Variants in KCTD1 observed in about 807,000 individuals in gnomAD.
KCTD1 encodes the protein BTB/POZ domain-containing protein KCTD1.
Under a neutral mutation model 66.0 loss-of-function variants are expected in KCTD1, and 24 were observed. The observed-to-expected ratio is 0.36, with a 90% CI of 0.26 to 0.51. KCTD1 has a LOEUF of 0.51. KCTD1 is among the 20% of genes least tolerant of loss of function. KCTD1 has a pLI of 0.95. For synonymous variants in KCTD1, 511 were observed against 517.2 expected (o/e 0.99, Z 0.16); for missense variants, 943 against 1,205.2 (o/e 0.78, Z 3.22).
At chr18:26,469,398 C>T (rs1388997475) in intron 3 of KCTD1, among the ~76,000 whole-genome samples, 1 of 152,146 alleles carries the variant, frequency 6.6e-6, no homozygotes, top group Non-Finnish European at 1.5e-5. Context: ...TTTCCCTCCC[C>T]AGCACCTAAC....
intron 1 of KCTD1, chr18:26,599,773 C>A: frequency 1.3e-6 from 2 of 1,578,730 alleles, no homozygotes; most frequent in Non-Finnish European, 1.7e-6. Flanking sequence ...TCTTTCTGGT[C>A]TTGTGGAAGT....
In KCTD1 at chr18:26,636,607, G is replaced by A. The variant is rs565306771; in HGVS notation, c.-107+3704C>T. 2.0e-5 allele frequency among the ~76,000 whole-genome samples: 3 copies of A among 152,216 alleles called. No homozygotes were observed. In the East Asian group the frequency reaches 5.8e-4, roughly 29 times the overall value. ...GCGGTTCTTCTTATTACTTTCAATG[G>A]CAAAAGCCACAATTACTTTTGCATC... On this transcript the variant is annotated intron_variant, in intron 1 of 5. Transcript: ENST00000579973.
Position 26,507,613 on chromosome 18 carries a change from G to C in KCTD1, c.1810-6363C>G, listed in dbSNP as rs142413218. 3.8e-3 allele frequency among the ~76,000 whole-genome samples: 577 copies of C among 152,142 alleles called. 4 individuals carry two copies. Among genetic ancestry groups the C allele is most frequent in the African/African-American group, 0.012 (507 of 41,498 alleles). On this transcript the variant is annotated intron_variant, in intron 1 of 4. Coordinates refer to ENST00000580059, the MANE Select transcript of KCTD1 (RefSeq NM_001142730.3). ...GCTGGTCTTGAACTCCTGGCCTCAA[G>C]TGATCAAATGCCTTACGACCCCTCA...
At chr18:26,506,463 G>A (rs575831951) in intron 1 of KCTD1, among the ~76,000 whole-genome samples, 6 of 152,206 alleles carry the variant, frequency 3.9e-5, no homozygotes, top group Non-Finnish European at 8.8e-5. Context: ...TGGAAGGAGA[G>A]TGCCCAGTGC....
At chr18:26,647,774 C>T (rs1456909823) in intron 1 of KCTD1, among the ~76,000 whole-genome samples, 5 of 151,932 alleles carry the variant, frequency 3.3e-5, no homozygotes, top group Non-Finnish European at 4.4e-5. Context: ...CTGGAACTCA[C>T]GGACAAAGGA....
At chr18:26,541,122 C>T (rs889529040) in intron 1 of KCTD1, among the ~76,000 whole-genome samples, 1 of 152,110 alleles carries the variant, frequency 6.6e-6, no homozygotes, top group Non-Finnish European at 1.5e-5. Flanking sequence ...CTCAGCTATC[C>T]AGGGTTACAT....
At chr18:26,582,214 G>C (rs1423677169) in intron 1 of KCTD1, among the ~76,000 whole-genome samples, 1 of 151,740 alleles carries the variant, frequency 6.6e-6, no homozygotes, top group African/African-American at 2.4e-5. Context: ...GGAGGTTACA[G>C]GTGAGCCAAG....
intron 1 of KCTD1, among the ~76,000 whole-genome samples, chr18:26,637,530 C>G (rs780527898): frequency 6.6e-6 from 1 of 152,174 alleles, no homozygotes; most frequent in Non-Finnish European, 1.5e-5. Context: ...TCCCCTCTGC[C>G]GATTTCAAGA....
chr18:26,636,258 G>A (rs565343983), intron 1 of KCTD1, among the ~76,000 whole-genome samples: 4 of 152,272 alleles, frequency 2.6e-5, no homozygotes, highest in East Asian at 3.9e-4. Context: ...ATTTCATGGC[G>A]GTCTGGTTGC....
chr18:26,503,452 T>C (rs930049875), intron 1 of KCTD1, among the ~76,000 whole-genome samples: 3 of 152,110 alleles, frequency 2.0e-5, no homozygotes, highest in African/African-American at 7.2e-5. Flanking sequence ...TTTTAAGAGA[T>C]ACGTACTGAC....
chr18:26,500,588 TA>T (rs1982709377), intron 2 of KCTD1, among the ~76,000 whole-genome samples: 1 of 152,242 alleles, frequency 6.6e-6, no homozygotes, highest in Non-Finnish European at 1.5e-5. Context: ...TCATTTTTTG[TA>T]AACTATACTA....
intron 1 of KCTD1, among the ~76,000 whole-genome samples, chr18:26,615,295 T>C (rs922322640): frequency 6.6e-6 from 1 of 152,144 alleles, no homozygotes; most frequent in Non-Finnish European, 1.5e-5. Flanking sequence ...AGGTGAGAAC[T>C]TTTTCTACTC....
At chr18:26,584,851 T>C (rs565668200) in intron 1 of KCTD1, among the ~76,000 whole-genome samples, 3 of 152,028 alleles carry the variant, frequency 2.0e-5, no homozygotes, top group African/African-American at 7.2e-5. Flanking sequence ...GAAAAAGGGA[T>C]ACGAAAGGAA....
At chr18:26,520,888 T>C (rs889778360) in intron 1 of KCTD1, among the ~76,000 whole-genome samples, 7 of 152,332 alleles carry the variant, frequency 4.6e-5, no homozygotes, top group African/African-American at 1.7e-4. Flanking sequence ...AGGCTGGAAG[T>C]TCAGAGAGCT....
intron 1 of KCTD1, chr18:26,566,279 C>G (rs2144888090): frequency 6.6e-6 from 1 of 152,350 alleles, no homozygotes; most frequent in Admixed American, 6.5e-5. Context: ...AGGATCCTAG[C>G]ACTGTATCTG....
intron 4 of KCTD1, chr18:26,459,399 A>G (rs765828673): frequency 3.1e-5 from 16 of 523,056 alleles, no homozygotes; most frequent in Non-Finnish European, 5.0e-5. Context: ...GTCGTGTTCT[A>G]TATCTGTCTC....
chr18:26,580,709 G>A (rs941118210), intron 1 of KCTD1, among the ~76,000 whole-genome samples: 3 of 152,056 alleles, frequency 2.0e-5, no homozygotes, highest in Non-Finnish European at 2.9e-5. Flanking sequence ...CAGCTAATCC[G>A]GCCCCCTATC....
chr18:26,532,261 C>CTTTTTTTTTTTTTTTTTTTTTTTTTTTT (rs533359603), intron 1 of KCTD1, among the ~76,000 whole-genome samples: 1 of 29,556 alleles, frequency 3.4e-5, no homozygotes, highest in African/African-American at 6.5e-5. Context: ...TTCTTTCCTT[C>CTTTTTTTTTTTTTTTTTTTTTTTTTTTT]TTTTTTTTTT....
chr18:26,485,666 A>C (rs899131735), intron 2 of KCTD1, among the ~76,000 whole-genome samples: 1 of 152,106 alleles, frequency 6.6e-6, no homozygotes, highest in African/African-American at 2.4e-5. Context: ...GTTTCTGTTT[A>C]GGTTTTCCCT....
Sources: gnomAD v4.1 joint callset for allele counts (sites outside exome capture counted in the v4.1 genomes callset) on GRCh38, gnomAD v4.1.1 for gene constraint, MANE v1.5 for transcripts, NCBI Gene and HGNC (gene_info 2026-07-23, HGNC 2026-07-21) for gene names.